The following OGDH variants were observed in gnomAD, a reference collection of about 807,000 sequenced individuals.
OGDH encodes the protein 2-oxoglutarate dehydrogenase complex component E1.
In OGDH, 38 loss-of-function variants were observed where a neutral mutation model predicts 116.6. The ratio of observed to expected loss-of-function variants is 0.33; its 90% CI spans 0.25 to 0.43. The LOEUF (loss-of-function observed/expected upper bound fraction) is 0.43, where lower values mean the gene tolerates loss of function less well. Ranked by LOEUF, OGDH falls within the 20% of genes least tolerant of loss-of-function variation. OGDH has a pLI of 1.00. For synonymous variants in OGDH, 488 were observed against 533.3 expected, an observed-to-expected ratio of 0.92 and a Z score of 1.17; for missense variants, 825 against 1,357.2, an observed-to-expected ratio of 0.61 and a Z score of 6.16.
chr7:44,658,356 A>G (rs1423656249), intron 4 of OGDH, among the ~76,000 whole-genome samples: 7 of 151,250 alleles, frequency 4.6e-5, no homozygotes, highest in Admixed American at 4.6e-4. Context: ...TTCTTTTTTA[A>G]CCTTGGTGTC....
intron 10 of OGDH, among the ~76,000 whole-genome samples, chr7:44,685,029 G>T (rs1031956348): frequency 2.6e-5 from 4 of 152,000 alleles, no homozygotes; most frequent in African/African-American, 4.8e-5. Flanking sequence ...CTCATGATCC[G>T]CCTGCTTCAG....
At chr7:44,677,339 G>A (rs1024594325) in intron 9 of OGDH, among the ~76,000 whole-genome samples, 1 of 152,190 alleles carries the variant, frequency 6.6e-6, no homozygotes, top group East Asian at 1.9e-4. Flanking sequence ...CTTTGGAAGA[G>A]GTGTGCAGGG....
chr7:44,690,602 G>A (rs980464498), intron 10 of OGDH, among the ~76,000 whole-genome samples: 1 of 152,188 alleles, frequency 6.6e-6, no homozygotes, highest in South Asian at 2.1e-4. Context: ...AACCCTGCCG[G>A]TAGAGTGCAT....
At chr7:44,706,943 C>T (rs989052652) in intron 20 of OGDH, among the ~76,000 whole-genome samples, 1 of 152,158 alleles carries the variant, frequency 6.6e-6, no homozygotes. Context: ...TAATAATACT[C>T]TTGTCCCCGA....
At chr7:44,613,802 CTTTTTTTTTT>C (rs11397029) in intron 1 of OGDH, among the ~76,000 whole-genome samples, 12 of 106,354 alleles carry the variant, frequency 1.1e-4, no homozygotes, top group African/African-American at 4.1e-4. Context: ...AGCCACCTGG[CTTTTTTTTTT>C]TTTTTTTTTT....
intron 1 of OGDH, among the ~76,000 whole-genome samples, chr7:44,613,993 A>G (rs1784669752): frequency 6.6e-6 from 1 of 151,418 alleles, no homozygotes; most frequent in African/African-American, 2.4e-5. Flanking sequence ...TTTAGTTGAG[A>G]CGGGGTTTCT....
At chr7:44,610,266 C>T (rs1380412020) in intron 1 of OGDH, among the ~76,000 whole-genome samples, 1 of 151,932 alleles carries the variant, frequency 6.6e-6, no homozygotes, top group African/African-American at 2.4e-5. Flanking sequence ...GATATTTTCT[C>T]CTAGTCAGCA....
At chr7:44,615,382 G>C (rs1047098875) in intron 1 of OGDH, among the ~76,000 whole-genome samples, 1 of 152,114 alleles carries the variant, frequency 6.6e-6, no homozygotes, top group Non-Finnish European at 1.5e-5. Context: ...GGGAAGGGAG[G>C]GGTGCTGCTT....
rs1788501115 is a variant in OGDH at position 44,694,636 on chromosome 7, G to T, written c.1668+60G>T. On this transcript the variant is annotated intron_variant, in intron 12 of 22. Coordinates refer to ENST00000222673, the MANE Select transcript of OGDH (RefSeq NM_002541.4). This position sits in a 1 kb window ranked among gnomAD's most constrained non-coding sequence, Gnocchi z 4.2. ...CCAGGGCTGGCGATGACTAGAAAAG[G>T]TGGGCCACAGGGCCAGTTCTCACTT... 5 of 1,593,114 alleles carry T rather than the reference G, an allele frequency of 3.1e-6. No homozygotes were observed. The highest frequency in any genetic ancestry group is 1.1e-5 in the South Asian group (1 of 90,304).
Position 44,624,693 on chromosome 7 carries a change from C to T in OGDH, c.222+128C>T, listed in dbSNP as rs965237086. The T allele has an allele frequency of 2.4e-5, 19 of 777,070 alleles. No homozygotes were observed. In the African/African-American group the frequency reaches 2.9e-4, roughly 12 times the overall value. The allele number at this position is 777,070 out of a possible 1,614,324, so 48.1% of individuals were successfully genotyped here. ...CAGGCAGCTGGAGCGCCATACCAAC[C>T]ACCGTATCTGTATCGGACCCAGCAT... On this transcript the variant is annotated intron_variant, in intron 2 of 22. Coordinates refer to ENST00000222673, the MANE Select transcript of OGDH (RefSeq NM_002541.4).
At chr7:44,610,572 G>A (rs939216616) in intron 1 of OGDH, among the ~76,000 whole-genome samples, 2 of 152,010 alleles carry the variant, frequency 1.3e-5, no homozygotes, top group Non-Finnish European at 2.9e-5. Flanking sequence ...AGAGTGCTGG[G>A]ATTACAGGCG....
intron 4 of OGDH, among the ~76,000 whole-genome samples, chr7:44,660,775 A>G (rs1372621487): frequency 1.3e-5 from 2 of 152,146 alleles, no homozygotes; most frequent in East Asian, 3.9e-4. Flanking sequence ...CACCAACAAC[A>G]AAATTAGCCA....
At chr7:44,632,523 CA>C (rs1785485064) in intron 2 of OGDH, among the ~76,000 whole-genome samples, 1 of 152,214 alleles carries the variant, frequency 6.6e-6, no homozygotes, top group African/African-American at 2.4e-5. Flanking sequence ...AGGCTGGTCT[CA>C]AACTCCTGGC....
intron 1 of OGDH, among the ~76,000 whole-genome samples, chr7:44,613,802 CTTTTTT>C (rs11397029): frequency 3.8e-5 from 4 of 106,354 alleles, no homozygotes; most frequent in Admixed American, 2.2e-4. Context: ...AGCCACCTGG[CTTTTTT>C]TTTTTTTTTT....
intron 20 of OGDH, among the ~76,000 whole-genome samples, chr7:44,701,894 A>G (rs1247156029): frequency 6.6e-6 from 1 of 152,116 alleles, no homozygotes; most frequent in African/African-American, 2.4e-5. Flanking sequence ...CAACATGGAG[A>G]AACGCCATCT....
intron 5 of OGDH, among the ~76,000 whole-genome samples, chr7:44,667,371 A>G (rs2116058263): frequency 6.6e-6 from 1 of 152,242 alleles, no homozygotes; most frequent in East Asian, 1.9e-4. Flanking sequence ...TCCCACTAGG[A>G]GTTTATTACA....
chr7:44,653,877 C>T (rs993681312), intron 4 of OGDH, among the ~76,000 whole-genome samples: 81 of 147,862 alleles, frequency 5.5e-4, no homozygotes, highest in Non-Finnish European at 6.3e-4. Context: ...TTTTTTGAGA[C>T]GGAGTCTCGC....
chr7:44,633,226 C>T (rs1173029245), intron 2 of OGDH, among the ~76,000 whole-genome samples: 4 of 134,038 alleles, frequency 3.0e-5, no homozygotes, highest in Non-Finnish European at 6.2e-5. Flanking sequence ...GCACTCTAGC[C>T]TGGGCAACAG....
At chr7:44,681,618 A>G (rs1787932885) in intron 9 of OGDH, 102 bp from the exon 10 acceptor site, 1 of 1,477,170 alleles carries the variant, frequency 6.8e-7, no homozygotes, top group Non-Finnish European at 9.1e-7. Flanking sequence ...AATTATCTCA[A>G]AACGTTATTT....
Sources: gnomAD v4.1 joint callset for allele counts (sites outside exome capture counted in the v4.1 genomes callset) on GRCh38, gnomAD v4.1.1 for gene constraint, Gnocchi (gnomAD v3.1) non-coding constraint, MANE v1.5 for transcripts, NCBI Gene and HGNC (gene_info 2026-07-23, HGNC 2026-07-21) for gene names.